Variants in ADAM18 observed in about 807,000 individuals in gnomAD.
ADAM18 encodes ADAM metallopeptidase domain 18, also known as disintegrin and metalloproteinase domain-containing protein 18.
In ADAM18, 117 loss-of-function variants were observed where a neutral mutation model predicts 94.4. The ratio of observed to expected loss-of-function variants is 1.24; its 90% CI spans 1.07 to 1.45. The LOEUF (loss-of-function observed/expected upper bound fraction) is 1.45, where lower values mean the gene tolerates loss of function less well. ADAM18 is among the 40% of genes most tolerant of loss of function. The pLI, the probability that ADAM18 is intolerant of heterozygous loss-of-function variation, is 0.00. For synonymous variants in ADAM18, 327 were observed against 291.6 expected (o/e 1.12, Z -1.24); for missense variants, 936 against 880.0 (o/e 1.06, Z -0.81).
chr8:39,709,296 C>T (rs1364088843), intron 18 of ADAM18, among the ~76,000 whole-genome samples: 1 of 152,136 alleles, frequency 6.6e-6, no homozygotes, highest in Non-Finnish European at 1.5e-5. Flanking sequence ...TCAAGCTGTC[C>T]TTCTGAAATC....
chr8:39,646,687 G>A (rs1820387177), intron 11 of ADAM18, among the ~76,000 whole-genome samples: 1 of 152,116 alleles, frequency 6.6e-6, no homozygotes, highest in Non-Finnish European at 1.5e-5. Context: ...CAGTATATTT[G>A]AAATGTGTGT....
At chr8:39,708,041 G>T (rs527575230) in intron 18 of ADAM18, among the ~76,000 whole-genome samples, 27 of 152,280 alleles carry the variant, frequency 1.8e-4, no homozygotes, top group African/African-American at 6.3e-4. Context: ...GCATGTATTC[G>T]TTGGACTTGG....
intron 12 of ADAM18, among the ~76,000 whole-genome samples, chr8:39,656,725 GA>G (rs1820694711): frequency 6.6e-6 from 1 of 152,052 alleles, no homozygotes; most frequent in African/African-American, 2.4e-5. Context: ...AAATCAATAA[GA>G]AAATGACAGA....
chr8:39,659,454 A>G (rs1001285324), intron 12 of ADAM18, among the ~76,000 whole-genome samples: 3 of 152,144 alleles, frequency 2.0e-5, no homozygotes, highest in Non-Finnish European at 4.4e-5. Context: ...AACATTGAAC[A>G]GTATATAAGC....
intron 16 of ADAM18, among the ~76,000 whole-genome samples, chr8:39,684,589 T>C (rs946495414): frequency 7.9e-5 from 12 of 152,240 alleles, no homozygotes; most frequent in African/African-American, 2.9e-4. Context: ...CACCAGTGAC[T>C]CAATCAGCCT....
At chr8:39,705,569 TAA>T (rs1822220108) in intron 17 of ADAM18, among the ~76,000 whole-genome samples, 1 of 152,192 alleles carries the variant, frequency 6.6e-6, no homozygotes, top group African/African-American at 2.4e-5. Context: ...AAAAAATGCA[TAA>T]GTGATATTCT....
intron 10 of ADAM18, among the ~76,000 whole-genome samples, chr8:39,645,106 T>C (rs1358401411): frequency 6.6e-6 from 1 of 152,144 alleles, no homozygotes; most frequent in Non-Finnish European, 1.5e-5. Flanking sequence ...AGCTATAGAA[T>C]TTTGGCGTGC....
rs2129579298 is a variant in ADAM18 at position 39,637,610 on chromosome 8, C to T, written c.734C>T (p.Thr245Ile). 2 of 1,612,708 alleles carry T rather than the reference C, an allele frequency of 1.2e-6. No individual in the cohort carries two copies. Among genetic ancestry groups the T allele is most frequent in the Non-Finnish European group, 8.5e-7 (1 of 1,179,234 alleles). ...ELWSNENQIS[T>I]SGDADDILQR... Reference sequence around the variant, plus strand: ...TGGTCAAATGAAAACCAGATTTCCACCAGTGGGGATGCTGATGATATATTA... The same window carrying T: ...TGGTCAAATGAAAACCAGATTTCCATCAGTGGGGATGCTGATGATATATTA... Residue 245 changes from threonine to isoleucine, a missense_variant, in exon 9 of 20, where the codon ACC becomes ATC. By Grantham distance (89) the Thr-to-Ile change is moderately conservative. Transcript: ENST00000265707.
intron 2 of ADAM18, among the ~76,000 whole-genome samples, chr8:39,589,123 T>C (rs1382534150): frequency 1.3e-5 from 2 of 152,206 alleles, no homozygotes; most frequent in African/African-American, 4.8e-5. Context: ...CTTGGTTTTG[T>C]CTTGATGCAT....
chr8:39,645,393 G>C lies in ADAM18; in HGVS notation c.965G>C (p.Gly322Ala), dbSNP rs1280668243. The change falls in exon 11 of 20, where the codon GGC becomes GCC. Residue 322 changes from glycine to alanine, a missense_variant. Transcript: ENST00000265707. ...GFSVIIAQLLGLNVGLTYDDI... is the reference protein window; with the variant it reads ...GFSVIIAQLLALNVGLTYDDI... ...TCGGTTATTATAGCTCAACTGCTTG[G>C]CCTTAATGTAGGATTAACATATGAT... The C allele has an allele frequency of 1.9e-6, 3 of 1,612,530 alleles. No individual in the cohort carries two copies. In the South Asian group the frequency reaches 3.3e-5, roughly 18 times the overall value.
chr8:39,641,148 C>A (rs1820225725), intron 10 of ADAM18, among the ~76,000 whole-genome samples: 1 of 152,036 alleles, frequency 6.6e-6, no homozygotes, highest in African/African-American at 2.4e-5. Flanking sequence ...TGGGGTTTTA[C>A]ATTTAAGTCT....
intron 11 of ADAM18, 37 bp from the exon 12 acceptor site, chr8:39,648,307 C>A (rs3735880): frequency 0.73 from 1,099,853 of 1,498,294 alleles, 412,383 homozygotes; most frequent in Non-Finnish European, 0.78. Context: ...TTTTATTAGC[C>A]AGGCTTATTT....
intron 17 of ADAM18, among the ~76,000 whole-genome samples, chr8:39,699,969 T>C (rs921057840): frequency 6.6e-5 from 10 of 152,274 alleles, no homozygotes; most frequent in Admixed American, 5.2e-4. Flanking sequence ...ACACAAAGAT[T>C]ACAGAGAAAT....
chr8:39,636,115 C>T (rs184498816), intron 7 of ADAM18, among the ~76,000 whole-genome samples: 26 of 151,710 alleles, frequency 1.7e-4, no homozygotes, highest in African/African-American at 5.8e-4. Context: ...AACTTCTGGC[C>T]TCAACCAATT....
intron 14 of ADAM18, among the ~76,000 whole-genome samples, chr8:39,674,909 T>C (rs577120763): frequency 6.6e-6 from 1 of 152,246 alleles, no homozygotes; most frequent in Non-Finnish European, 1.5e-5. Context: ...TATGAAATTC[T>C]GGGTTGAAAA....
At chr8:39,701,381 T>G (rs1822074706) in intron 17 of ADAM18, among the ~76,000 whole-genome samples, 1 of 152,012 alleles carries the variant, frequency 6.6e-6, no homozygotes, top group African/African-American at 2.4e-5. Context: ...TGCGTTTTAT[T>G]AAGATGCTTG....
chr8:39,666,069 G>T (rs1434657073), intron 13 of ADAM18, among the ~76,000 whole-genome samples: 1 of 152,030 alleles, frequency 6.6e-6, no homozygotes, highest in Non-Finnish European at 1.5e-5. Context: ...ACAGGGTCTG[G>T]CTCTGCTGCC....
chr8:39,638,131 A>T (rs1820135090), intron 9 of ADAM18, among the ~76,000 whole-genome samples: 1 of 151,798 alleles, frequency 6.6e-6, no homozygotes, highest in Non-Finnish European at 1.5e-5. Flanking sequence ...GACTAGTAAG[A>T]TTGCTTCTTC....
intron 2 of ADAM18, among the ~76,000 whole-genome samples, chr8:39,588,967 G>A (rs1208241855): frequency 6.6e-6 from 1 of 152,202 alleles, no homozygotes; most frequent in Admixed American, 6.5e-5. Context: ...TAGGGCACGG[G>A]AAGACCAGAA....
Sources: gnomAD v4.1 joint callset for allele counts (sites outside exome capture counted in the v4.1 genomes callset) on GRCh38, gnomAD v4.1.1 for gene constraint, MANE v1.5 for transcripts, NCBI Gene and HGNC (gene_info 2026-07-23, HGNC 2026-07-21) for gene names.